Variants in FAAP100 observed in about 807,000 individuals in gnomAD.
FAAP100 encodes FA core complex associated protein 100, also known as Fanconi anemia core complex-associated protein 100.
In FAAP100, 46 loss-of-function variants were observed where a neutral mutation model predicts 65.8. That is an observed-to-expected ratio of 0.70 (90% CI 0.55 to 0.89). FAAP100 has a LOEUF of 0.89. FAAP100 is among the 40% of genes least tolerant of loss of function. The pLI is 0.00. For synonymous variants in FAAP100, 663 were observed against 555.1 expected (o/e 1.19, Z -2.73); for missense variants, 1,165 against 1,196.7 (o/e 0.97, Z 0.39).
Position 81,540,497 on chromosome 17 carries a change from G to A in FAAP100, c.*322C>T, listed in dbSNP as rs1435628868. ...CTGCCTCCTGGCCTCAGGGGCTGCTGCGGTGGTGGGAAGGCTGCCCAGCAG... is the reference window on the plus strand; with the variant it reads ...CTGCCTCCTGGCCTCAGGGGCTGCTACGGTGGTGGGAAGGCTGCCCAGCAG... On this transcript the variant is annotated 3_prime_UTR_variant, in exon 9 of 9. Coordinates refer to ENST00000327787, the MANE Select transcript of FAAP100 (RefSeq NM_025161.6). The A allele has an allele frequency of 1.2e-5, 5 of 412,490 alleles. No individual in the cohort carries two copies. The highest frequency in any genetic ancestry group is 1.0e-4 in the South Asian group (1 of 9,912). The allele number at this position is 412,490 out of a possible 1,614,324, so 25.6% of individuals were successfully genotyped here. A position where few individuals can be genotyped will look rare whatever the true frequency, so the allele number is the denominator to read the frequency against.
At chr17:81,542,508 C>T (rs1018500406) in intron 7 of FAAP100, among the ~76,000 whole-genome samples, 5 of 152,172 alleles carry the variant, frequency 3.3e-5, no homozygotes, top group African/African-American at 1.2e-4. Context: ...CCGGGGGCTC[C>T]AGAAGTGCTG....
chr17:81,544,143 C>G (rs1279185841), intron 6 of FAAP100, 23 bp from the exon 7 acceptor site: 1 of 1,576,532 alleles, frequency 6.3e-7, no homozygotes. Context: ...AGCCACCTCA[C>G]TGCCTGCCTG....
chr17:81,547,729 A>G, intron 4 of FAAP100, 51 bp from the exon 5 acceptor site: 1 of 1,584,924 alleles, frequency 6.3e-7, no homozygotes. Flanking sequence ...CCACAGCACC[A>G]GGTGCCACAT....
At chr17:81,541,984 G>A (rs1238462181) in intron 7 of FAAP100, among the ~76,000 whole-genome samples, 1 of 151,514 alleles carries the variant, frequency 6.6e-6, no homozygotes, top group Non-Finnish European at 1.5e-5. Flanking sequence ...CGGCTAAAAC[G>A]GTGAAACCCC....
rs368709811 is a variant in FAAP100 at position 81,547,080 on chromosome 17, G to C, written c.2002C>G (p.Pro668Ala). The change falls in exon 5 of 9, where the codon CCA (proline) becomes GCA (alanine). Residue 668 changes from proline (P) to alanine (A), a missense_variant. Physicochemically the swap from Pro to Ala is conservative, Grantham distance 27. Coordinates refer to ENST00000327787, the MANE Select transcript of FAAP100 (RefSeq NM_025161.6). ...ACAGGGTCTCGGGTGGGGCCGAGTG[G>C]GGAGGGGGCCCGTGTGTGTGGCGGG... ...LAPPHTRAPS[P>A]LGPTRDPVAT... 17 of 1,538,732 alleles carry C rather than the reference G, an allele frequency of 1.1e-5. No homozygotes were observed. The highest frequency in any genetic ancestry group is 1.5e-5 in the Non-Finnish European group (17 of 1,142,864).
chr17:81,549,393 G>A (rs781764981), intron 3 of FAAP100, 31 bp from the exon 4 acceptor site: 1 of 1,581,540 alleles, frequency 6.3e-7, no homozygotes, highest in East Asian at 2.3e-5. Flanking sequence ...GGCCTGGTCA[G>A]CGGCTGGGAG....
chr17:81,548,796 T>C (rs914192466), intron 4 of FAAP100, among the ~76,000 whole-genome samples: 3 of 149,308 alleles, frequency 2.0e-5, no homozygotes, highest in Admixed American at 1.3e-4. Flanking sequence ...TTCCAGCACT[T>C]TGGGAGGCTG....
In FAAP100 at chr17:81,540,804, G is replaced by A. The variant is rs1424048790; in HGVS notation, c.*15C>T. 4 of 1,506,358 alleles carry A rather than the reference G, an allele frequency of 2.7e-6. No individual in the cohort carries two copies. In the African/African-American group the frequency reaches 4.1e-5, roughly 16 times the overall value. 93.3% of individuals were successfully genotyped at this position (1,506,358 alleles called of 1,614,324 possible). ...GCTGGAAGCGTGGCCAGAGCCCAGGGGCAGGCCCGCCTGGTCACAGCAGGA... is the reference window on the plus strand; with the variant it reads ...GCTGGAAGCGTGGCCAGAGCCCAGGAGCAGGCCCGCCTGGTCACAGCAGGA... On this transcript the variant is annotated 3_prime_UTR_variant, in exon 9 of 9. Transcript: ENST00000327787.
At chr17:81,551,719 G>T in intron 2 of FAAP100, 2 of 1,339,914 alleles carry the variant, frequency 1.5e-6, no homozygotes, top group Non-Finnish European at 1.9e-6. Context: ...TTAACCATGT[G>T]AACCCCACTT....
intron 4 of FAAP100, chr17:81,547,899 C>CCT (rs2033368789): frequency 7.0e-6 from 5 of 713,694 alleles, no homozygotes; most frequent in Non-Finnish European, 1.3e-5. Context: ...TCTGACCTGA[C>CCT]CTCTCCTCTT....
At position 81,550,832 on chromosome 17, in the gene FAAP100, T is replaced by TCCAGCG; in HGVS notation, c.656_661dup (p.Leu220_Glu221insAlaLeu). 1 of 1,612,302 alleles carries TCCAGCG rather than the reference T, an allele frequency of 6.2e-7. No individual in the cohort carries two copies. Among genetic ancestry groups the TCCAGCG allele is most frequent in the Non-Finnish European group, 8.5e-7 (1 of 1,179,682 alleles). ...AAAGAGGAGCCCGAAGAGGGCGTCC[T>TCCAGCG]CCAGCGTGAAGCCCCCGGAGCCCCC... On this transcript the variant is annotated inframe_insertion, in exon 3 of 9. Coordinates refer to ENST00000327787, the MANE Select transcript of FAAP100 (RefSeq NM_025161.6).
intron 7 of FAAP100, 127 bp from the exon 8 acceptor site, chr17:81,541,522 C>T (rs2033095806): frequency 1.3e-6 from 1 of 798,262 alleles, no homozygotes; most frequent in Non-Finnish European, 2.1e-6. Flanking sequence ...CCCTCCCCAC[C>T]CCAGCGCTTT....
At position 81,541,799 on chromosome 17, in the gene FAAP100, T is replaced by G. The variant is rs371332096; in HGVS notation, c.2428-404A>C. Among the ~76,000 whole-genome samples the G allele has an allele frequency of 3.4e-4, 51 of 152,226 alleles. No individual in the cohort carries two copies. The East Asian group carries it at 9.9e-3, about 30-fold the overall frequency. ...GCCTCGGCGTCTTGTGCAGAGACCC[T>G]GGCCTGGCCATTCACTCATTCACGC... On this transcript the variant is annotated intron_variant, in intron 7 of 8. Transcript: ENST00000327787.
At chr17:81,551,435 G>A (rs1296608695) in intron 2 of FAAP100, among the ~76,000 whole-genome samples, 3 of 152,218 alleles carry the variant, frequency 2.0e-5, no homozygotes, top group South Asian at 4.1e-4. Context: ...GCATAGAACC[G>A]TCAGGCTGAG....
chr17:81,549,883 G>A (rs1177446801), intron 3 of FAAP100, among the ~76,000 whole-genome samples: 1 of 152,218 alleles, frequency 6.6e-6, no homozygotes, highest in Non-Finnish European at 1.5e-5. Context: ...TGCAGCCTTT[G>A]GAAGAAAGGC....
chr17:81,552,360 C>A (rs758146418), upstream of FAAP100: 31 of 1,313,876 alleles, frequency 2.4e-5, no homozygotes, highest in East Asian at 3.1e-5. Context: ...GAGTGAGAAG[C>A]CCCGGCCGCG....
At chr17:81,552,498 C>T (rs894413069), upstream of FAAP100, 13 of 568,692 alleles carry the variant, frequency 2.3e-5, no homozygotes, top group Non-Finnish European at 3.4e-5. Context: ...GGAGCTGGGG[C>T]GGTCGCTGGT....
Position 81,544,016 on chromosome 17 carries a change from G to A in FAAP100, c.2415C>T (p.Val805=), listed in dbSNP as rs560604750. The A allele has an allele frequency of 4.4e-5, 71 of 1,612,076 alleles. No homozygotes were observed. Among genetic ancestry groups the A allele is most frequent in the East Asian group, 1.1e-4 (5 of 44,858 alleles). Residue 805 remains valine, a synonymous_variant, in exon 7 of 9, where the codon GTC becomes GTT. Coordinates refer to ENST00000327787, the MANE Select transcript of FAAP100 (RefSeq NM_025161.6). ...ADICRAHHAV[V]GRMQTMVTEQ... is the part of the protein sequence containing the mutation. ...CGGGCCGACATACCTGCATGCGCCCGACAACGGCATGGTGCGCCCTGCAAA... is the reference window on the plus strand; with the variant it reads ...CGGGCCGACATACCTGCATGCGCCCAACAACGGCATGGTGCGCCCTGCAAA...
In FAAP100 at chr17:81,540,156, G is replaced by A. The variant is rs1384387998; in HGVS notation, c.*663C>T. ...GTACTGCCCCGGCTGGAGGCACCTA[G>A]TTGTTGAGCATTCCGGCCACAGGCC... is the stretch of plus-strand genomic sequence containing the variant. On this transcript the variant is annotated 3_prime_UTR_variant, in exon 9 of 9. Transcript: ENST00000327787. The A allele has an allele frequency of 5.0e-6, 2 of 398,726 alleles. No homozygotes were observed. Among genetic ancestry groups the A allele is most frequent in the East Asian group, 3.6e-5 (1 of 28,068 alleles). The allele number at this position is 398,726 out of a possible 1,614,324, so 24.7% of individuals were successfully genotyped here.
Sources: allele counts gnomAD v4.1 joint callset (sites outside exome capture counted in the v4.1 genomes callset), GRCh38; gene constraint gnomAD v4.1.1; transcripts MANE v1.5; gene names NCBI Gene and HGNC (gene_info 2026-07-23, HGNC 2026-07-21).